NHEJ1: variants seen among roughly 807,000 people sequenced by gnomAD.
NHEJ1 encodes the protein non-homologous end-joining factor 1.
Under a neutral mutation model 39.4 loss-of-function variants are expected in NHEJ1, and 22 were observed. The observed-to-expected ratio is 0.56, with a 90% CI of 0.40 to 0.80. The LOEUF (loss-of-function observed/expected upper bound fraction) is 0.80, where lower values mean the gene tolerates loss of function less well. Among genes scored for constraint, NHEJ1 ranks in the 30% least tolerant of loss-of-function variants. NHEJ1 has a pLI of 0.00. For missense variants in NHEJ1, 329 were observed against 357.1 expected (o/e 0.92, Z 0.63); for synonymous variants, 154 against 135.6 (o/e 1.14, Z -0.94).
intron 4 of NHEJ1, among the ~76,000 whole-genome samples, chr2:219,147,222 G>A (rs573951192): frequency 3.9e-5 from 6 of 152,208 alleles, no homozygotes; most frequent in South Asian, 2.1e-4. Context: ...GCTCACGCCT[G>A]TAATCCCAGC....
Position 219,071,673 on chromosome 2 carries a change from G to A in NHEJ1, c.*4708C>T, listed in dbSNP as rs1948958412. Among the ~76,000 whole-genome samples, 1 of 152,144 alleles carries A rather than the reference G, an allele frequency of 6.6e-6. No homozygotes were observed. The highest frequency in any genetic ancestry group is 1.5e-5 in the Non-Finnish European group (1 of 68,038). The stretch of plus-strand genomic sequence containing the variant: ...GCACTGCATGCTCCTTTAACTACTG[G>A]CCCTTGGCCCAGCAGGACAAGTAAT... On this transcript the variant is annotated 3_prime_UTR_variant, in exon 8 of 8. Coordinates refer to ENST00000356853, the MANE Select transcript of NHEJ1 (RefSeq NM_024782.3).
At chr2:219,091,962 T>G (rs73991029) in intron 5 of NHEJ1, among the ~76,000 whole-genome samples, 6,674 of 152,246 alleles carry the variant, frequency 0.044, 508 homozygotes, top group African/African-American at 0.15. Flanking sequence ...TTCAAGAACT[T>G]TTTACTTGAC....
chr2:219,072,596 T>C lies in NHEJ1; in HGVS notation c.*3785A>G, dbSNP rs929812313. Among the ~76,000 whole-genome samples the C allele has an allele frequency of 2.0e-5, 3 of 149,300 alleles. No homozygotes were observed. Among genetic ancestry groups the C allele is most frequent in the African/African-American group, 7.8e-5 (3 of 38,682 alleles). On this transcript the variant is annotated 3_prime_UTR_variant, in exon 8 of 8. Transcript: ENST00000356853. ...GTATAATATCCCTGAAGTGATATTT[T>C]CTGAGTTAGGGTTAAAACTGACCCT...
At chr2:219,127,482 A>G (rs1345281415) in intron 5 of NHEJ1, among the ~76,000 whole-genome samples, 2 of 152,202 alleles carry the variant, frequency 1.3e-5, no homozygotes. Context: ...TCCCCTCACC[A>G]GCAACCTCCA....
chr2:219,128,838 T>C (rs1949548890), intron 5 of NHEJ1, among the ~76,000 whole-genome samples: 1 of 152,304 alleles, frequency 6.6e-6, no homozygotes, highest in African/African-American at 2.4e-5. Context: ...TGTGGGGCCA[T>C]AGGTAGCTGC....
At chr2:219,130,908 G>A (rs1429340526) in intron 5 of NHEJ1, among the ~76,000 whole-genome samples, 1 of 152,082 alleles carries the variant, frequency 6.6e-6, no homozygotes, top group Non-Finnish European at 1.5e-5. Flanking sequence ...GGGAAAAACA[G>A]TGAGACCCAG....
chr2:219,120,414 A>G (rs973503191), intron 5 of NHEJ1, among the ~76,000 whole-genome samples: 7 of 152,218 alleles, frequency 4.6e-5, no homozygotes, highest in Non-Finnish European at 1.0e-4. Context: ...AAAAATATAA[A>G]CAGGCTTTGG....
At chr2:219,147,093 A>G (rs551644543) in intron 4 of NHEJ1, among the ~76,000 whole-genome samples, 1 of 152,340 alleles carries the variant, frequency 6.6e-6, no homozygotes, top group South Asian at 2.1e-4. Flanking sequence ...CTCCTTTCCA[A>G]AGTCTTTCCC....
At chr2:219,148,649 A>C (rs1243365282) in intron 3 of NHEJ1, among the ~76,000 whole-genome samples, 1 of 152,220 alleles carries the variant, frequency 6.6e-6, no homozygotes, top group African/African-American at 2.4e-5. Context: ...AACAGAGTAC[A>C]CTAGCTAAAG....
intron 3 of NHEJ1, among the ~76,000 whole-genome samples, chr2:219,151,825 G>A (rs1193065768): frequency 6.6e-6 from 1 of 151,990 alleles, no homozygotes; most frequent in African/African-American, 2.4e-5. Context: ...AAAATTAGCC[G>A]GACATGGTGG....
At chr2:219,125,839 G>T (rs1335043077) in intron 5 of NHEJ1, among the ~76,000 whole-genome samples, 3 of 152,230 alleles carry the variant, frequency 2.0e-5, no homozygotes, top group Non-Finnish European at 4.4e-5. Context: ...CAGTCCTAAA[G>T]GTTCTAGCTC....
intron 5 of NHEJ1, among the ~76,000 whole-genome samples, chr2:219,127,839 A>G (rs1232010075): frequency 6.6e-6 from 1 of 152,230 alleles, no homozygotes; most frequent in African/African-American, 2.4e-5. Flanking sequence ...GAAAATCATC[A>G]TGGTCATTAA....
At chr2:219,085,034 C>A (rs2106324566) in intron 5 of NHEJ1, among the ~76,000 whole-genome samples, 1 of 152,340 alleles carries the variant, frequency 6.6e-6, no homozygotes, top group African/African-American at 2.4e-5. Context: ...TGCAAATGCT[C>A]TGCTATGTCA....
Position 219,159,564 on chromosome 2 carries a change from C to CATATATATGCATATAT in NHEJ1, c.-1+1155_-1+1156insATATATGCATATATAT, listed in dbSNP as rs1553549842. Among the ~76,000 whole-genome samples the CATATATATGCATATAT allele has an allele frequency of 2.1e-4, 13 of 61,772 alleles. 1 individual carries two copies. Among genetic ancestry groups the CATATATATGCATATAT allele is most frequent in the East Asian group, 6.2e-4 (1 of 1,616 alleles). 40.5% of individuals were successfully genotyped at this position (61,772 alleles called of 152,430 possible). ...ATATATATATATGCATATATATATG[C>CATATATATGCATATAT]ATATATATATGCATATATATATGCA... On this transcript the variant is annotated intron_variant, in intron 1 of 7. Coordinates refer to ENST00000356853, the MANE Select transcript of NHEJ1 (RefSeq NM_024782.3).
chr2:219,154,914 T>C (rs1317865504), intron 3 of NHEJ1, among the ~76,000 whole-genome samples: 2 of 147,346 alleles, frequency 1.4e-5, no homozygotes, highest in East Asian at 3.9e-4. Context: ...TTACATATTA[T>C]ATTAATATAG....
chr2:219,098,832 A>G (rs1668056791), intron 5 of NHEJ1, among the ~76,000 whole-genome samples: 1 of 152,202 alleles, frequency 6.6e-6, no homozygotes, highest in African/African-American at 2.4e-5. Context: ...ACTAGTCAGC[A>G]TGGTTTTATG....
At chr2:219,123,420 C>T (rs1278426236) in intron 5 of NHEJ1, among the ~76,000 whole-genome samples, 1 of 152,102 alleles carries the variant, frequency 6.6e-6, no homozygotes, top group East Asian at 1.9e-4. Flanking sequence ...ACCTACAGAT[C>T]CTCAACCCAG....
In NHEJ1 at chr2:219,119,095, A is replaced by G. The variant is rs553256749; in HGVS notation, c.588+27585T>C. On this transcript the variant is annotated intron_variant, in intron 5 of 7. Coordinates refer to ENST00000356853, the MANE Select transcript of NHEJ1 (RefSeq NM_024782.3). ...CCAACCAGTACCTGCAGTTTAAATT[A>G]GTCGAGGAGCCGATGTTCTCCATGC... Among the ~76,000 whole-genome samples the G allele has an allele frequency of 3.9e-5, 6 of 152,294 alleles. No homozygotes were observed. In the East Asian group the frequency reaches 1.2e-3, roughly 29 times the overall value.
intron 5 of NHEJ1, among the ~76,000 whole-genome samples, chr2:219,103,510 A>G (rs996094929): frequency 3.3e-5 from 5 of 152,106 alleles, no homozygotes; most frequent in Non-Finnish European, 7.3e-5. Context: ...TCCTGACCTC[A>G]AGTGATCCGT....
Sources: gnomAD v4.1 joint callset for allele counts (sites outside exome capture counted in the v4.1 genomes callset) on GRCh38, gnomAD v4.1.1 for gene constraint, MANE v1.5 for transcripts, NCBI Gene and HGNC (gene_info 2026-07-23, HGNC 2026-07-21) for gene names.